Variants in ABCC1 observed in about 807,000 individuals in gnomAD.
ABCC1 encodes the protein ATP binding cassette subfamily C member 1 (ABCC1 blood group).
ABCC1 carries 83 observed loss-of-function variants against 172.9 expected under a neutral mutation model. That is an observed-to-expected ratio of 0.48 (90% CI 0.40 to 0.58). The LOEUF (loss-of-function observed/expected upper bound fraction) is 0.58. ABCC1 is among the 20% of genes least tolerant of loss of function. The pLI is 0.00. For missense variants in ABCC1, 1,817 were observed against 2,002.7 expected (o/e 0.91, Z 1.77); for synonymous variants, 937 against 825.2 (o/e 1.14, Z -2.32).
At chr16:15,972,396 C>T (rs2046390072) in intron 1 of ABCC1, among the ~76,000 whole-genome samples, 1 of 152,106 alleles carries the variant, frequency 6.6e-6, no homozygotes, top group Non-Finnish European at 1.5e-5. Context: ...ATTCCAGTAC[C>T]TCTTGGAGTT....
intron 1 of ABCC1, among the ~76,000 whole-genome samples, chr16:15,950,223 C>T (rs1401784205): frequency 2.1e-5 from 2 of 93,042 alleles, no homozygotes; most frequent in Non-Finnish European, 3.1e-5. Context: ...ACGAAAAATA[C>T]TCCGTGACCA....
chr16:16,124,744 G>A, intron 24 of ABCC1, 45 bp from the exon 25 acceptor site: 1 of 1,613,080 alleles, frequency 6.2e-7, no homozygotes. Flanking sequence ...AGTCTCTGTA[G>A]AGCTGACTCC....
chr16:16,133,393 T>TTTGTTC (rs1053732582), intron 27 of ABCC1, among the ~76,000 whole-genome samples: 1 of 151,118 alleles, frequency 6.6e-6, no homozygotes, highest in Admixed American at 6.6e-5. Flanking sequence ...TGTTTTTGTT[T>TTTGTTC]TTGTTTTTGT....
At chr16:15,956,263 G>C (rs2045995047) in intron 1 of ABCC1, among the ~76,000 whole-genome samples, 1 of 152,002 alleles carries the variant, frequency 6.6e-6, no homozygotes, top group Non-Finnish European at 1.5e-5. Flanking sequence ...TACTTGAGAA[G>C]CTGAGGCATG....
intron 5 of ABCC1, among the ~76,000 whole-genome samples, chr16:16,018,770 TGTGA>T (rs56741362): frequency 0.052 from 7,460 of 142,328 alleles, 215 homozygotes; most frequent in Middle Eastern, 0.12. Context: ...AATGTGTGCT[TGTGA>T]GTGTGTTTAT....
At chr16:15,963,987 A>T (rs1219822108) in intron 1 of ABCC1, among the ~76,000 whole-genome samples, 1 of 150,676 alleles carries the variant, frequency 6.6e-6, no homozygotes, top group Non-Finnish European at 1.5e-5. Flanking sequence ...TCTGTTGCCC[A>T]GGCTAGAGTG....
chr16:16,082,732 C>T (rs1410456070), intron 16 of ABCC1, among the ~76,000 whole-genome samples: 2 of 152,196 alleles, frequency 1.3e-5, no homozygotes, highest in Non-Finnish European at 2.9e-5. Flanking sequence ...CGTGGTACCT[C>T]CATTTCCTGG....
chr16:16,136,351 A>T (rs556568505), intron 28 of ABCC1, 127 bp from the exon 29 acceptor site: 36 of 1,042,898 alleles, frequency 3.5e-5, no homozygotes, highest in Non-Finnish European at 4.7e-5. Context: ...CATCTCCAGA[A>T]ATAGTGATTC....
chr16:16,010,853 A>G (rs2151738795), intron 3 of ABCC1, among the ~76,000 whole-genome samples: 1 of 152,306 alleles, frequency 6.6e-6, no homozygotes, highest in East Asian at 1.9e-4. Flanking sequence ...GTGGGACCCC[A>G]GATGCCATGC....
chr16:16,069,894 G>T (rs2050269532), intron 13 of ABCC1, among the ~76,000 whole-genome samples: 1 of 152,038 alleles, frequency 6.6e-6, no homozygotes, highest in South Asian at 2.1e-4. Context: ...TGTATTGGTT[G>T]GTGCCTGTAA....
chr16:16,049,137 A>C (rs999142787), intron 10 of ABCC1, among the ~76,000 whole-genome samples: 2 of 152,178 alleles, frequency 1.3e-5, no homozygotes, highest in African/African-American at 4.8e-5. Flanking sequence ...TTGTCCTCTG[A>C]GTTAACATCA....
chr16:16,026,488 T>C (rs914431147), intron 5 of ABCC1, among the ~76,000 whole-genome samples: 1 of 130,662 alleles, frequency 7.7e-6, no homozygotes, highest in African/African-American at 3.3e-5. Context: ...TTTTTTTTTT[T>C]GCCAGTGAAG....
intron 19 of ABCC1, 101 bp downstream of exon 19, chr16:16,090,689 C>T (rs886118943): frequency 7.6e-7 from 1 of 1,317,200 alleles, no homozygotes; most frequent in Non-Finnish European, 1.0e-6. Context: ...GGGAAGGCGG[C>T]TCCTCAGGGC....
At position 15,966,152 on chromosome 16, in the gene ABCC1, C is replaced by T. The variant is rs146912774; in HGVS notation, c.48+16353C>T. Among the ~76,000 whole-genome samples, 558 of 152,088 alleles carry T rather than the reference C, an allele frequency of 3.7e-3. 6 individuals are homozygous for T. Among genetic ancestry groups the T allele is most frequent in the East Asian group, 3.9e-3 (20 of 5,134 alleles). ...AGGCACAGCAGGGCGCGGTGGCTCA[C>T]GACTGTAATCCTAGCACTTTGGGAG... On this transcript the variant is annotated intron_variant, in intron 1 of 30. Coordinates refer to ENST00000399410, the MANE Select transcript of ABCC1 (RefSeq NM_004996.4).
chr16:16,111,548 G>C lies in ABCC1; in HGVS notation c.3045G>C (p.Arg1015=). ...GGACTCAGGAGCACACGAAAGTCCG[G>C]CTGAGCGTCTATGGAGCCCTGGGCA... The part of the protein sequence containing the change: ...VNGTQEHTKV[R]LSVYGALGIS... The change falls in exon 22 of 31, where the codon CGG becomes CGC. Residue 1015 remains arginine, a synonymous_variant. Transcript: ENST00000399410. The C allele has an allele frequency of 2.5e-6, 4 of 1,613,902 alleles. 1 individual carries two copies. The highest frequency in any genetic ancestry group is 2.2e-5 in the South Asian group (2 of 91,072).
chr16:16,070,279 G>A (rs2050289368), intron 13 of ABCC1, among the ~76,000 whole-genome samples: 1 of 151,586 alleles, frequency 6.6e-6, no homozygotes, highest in Admixed American at 6.6e-5. Context: ...GAGGCAGAAG[G>A]ATCGCTTGAG....
Position 16,044,468 on chromosome 16 carries a change from G to A in ABCC1, c.828G>A (p.Val276=), listed in dbSNP as rs772257353. Reference sequence around the variant, plus strand: ...GTTCCAGGCAGCCGGTGAAGGTTGTGTACTCCTCCAAGGATCCTGCCCAGC... The same window carrying A: ...GTTCCAGGCAGCCGGTGAAGGTTGTATACTCCTCCAAGGATCCTGCCCAGC... ...AKTRKQPVKV[V]YSSKDPAQPK... is the part of the protein sequence containing the mutation. Residue 276 remains valine (V), a synonymous_variant, in exon 8 of 31, where the codon GTG becomes GTA. Transcript: ENST00000399410. The A allele has an allele frequency of 4.7e-5, 76 of 1,614,122 alleles. 5 individuals carry two copies. The South Asian group carries it at 8.0e-4, about 17-fold the overall frequency.
At chr16:15,990,230 A>G (rs369357544) in intron 1 of ABCC1, among the ~76,000 whole-genome samples, 1 of 151,940 alleles carries the variant, frequency 6.6e-6, no homozygotes, top group Admixed American at 6.6e-5. Context: ...AATTTTTAGT[A>G]GAGACAGGGT....
intron 9 of ABCC1, among the ~76,000 whole-genome samples, chr16:16,047,904 C>T (rs1008845908): frequency 6.6e-6 from 1 of 151,804 alleles, no homozygotes; most frequent in Non-Finnish European, 1.5e-5. Flanking sequence ...TCGAGGACAC[C>T]TAGGGTCCCT....
Sources: allele counts gnomAD v4.1 joint callset (sites outside exome capture counted in the v4.1 genomes callset), GRCh38; gene constraint gnomAD v4.1.1; transcripts MANE v1.5; gene names NCBI Gene and HGNC (gene_info 2026-07-23, HGNC 2026-07-21).